Variants in CTNNA1 observed in about 807,000 individuals in gnomAD.
The protein encoded by CTNNA1 is catenin alpha 1.
In CTNNA1, 37 loss-of-function variants were observed where a neutral mutation model predicts 98.4. That is an observed-to-expected ratio of 0.38 (90% confidence interval 0.29 to 0.49). The LOEUF (loss-of-function observed/expected upper bound fraction) is 0.49, where lower values mean the gene tolerates loss of function less well. Among genes scored for constraint, CTNNA1 ranks in the 20% least tolerant of loss-of-function variants. The pLI, the probability that CTNNA1 is intolerant of heterozygous loss-of-function variation, is 0.95. For synonymous variants in CTNNA1, 404 were observed against 413.2 expected, an observed-to-expected ratio of 0.98 and a Z score of 0.27; for missense variants, 761 against 1,147.2, an observed-to-expected ratio of 0.66 and a Z score of 4.86.
intron 3 of CTNNA1, among the ~76,000 whole-genome samples, chr5:138,786,639 G>C (rs76835151): frequency 0.021 from 3,205 of 152,264 alleles, 49 homozygotes; most frequent in Non-Finnish European, 0.031. Context: ...GGATTATTCT[G>C]TCTGGGGGAA....
At chr5:138,812,048 A>G (rs1333312770) in intron 4 of CTNNA1, 135 bp from the exon 5 acceptor site, 2 of 686,484 alleles carry the variant, frequency 2.9e-6, no homozygotes, top group African/African-American at 1.8e-5. Flanking sequence ...TTAGAAGACC[A>G]TGCGCAAACT....
At chr5:138,757,751 A>AG (rs1176505143) in intron 1 of CTNNA1, among the ~76,000 whole-genome samples, 1 of 152,194 alleles carries the variant, frequency 6.6e-6, no homozygotes, top group African/African-American at 2.4e-5. Context: ...CTTGGTGCTT[A>AG]GTACCTGGCA....
In CTNNA1 at chr5:138,844,165, T is replaced by G. The variant is rs909455524; in HGVS notation, c.1062+16447T>G. On this transcript the variant is annotated intron_variant, in intron 7 of 17. Transcript: ENST00000302763. Reference sequence around the variant, plus strand: ...TAAAAATTTAAAAATTTTTAAAATTTTAAAAATAAAAGTAGAGATGGGGTT... The same window carrying G: ...TAAAAATTTAAAAATTTTTAAAATTGTAAAAATAAAAGTAGAGATGGGGTT... 2.6e-5 allele frequency among the ~76,000 whole-genome samples: 4 copies of G among 152,298 alleles called. No individual in the cohort carries two copies. The South Asian group carries it at 6.2e-4, about 24-fold the overall frequency.
At chr5:138,924,427 A>G in intron 11 of CTNNA1, 83 bp from the exon 12 acceptor site, 1 of 1,413,244 alleles carries the variant, frequency 7.1e-7, no homozygotes, top group Non-Finnish European at 9.8e-7. Context: ...CCAAGCAAAC[A>G]ATAAATGATA....
chr5:138,807,217 A>T (rs138617671), intron 3 of CTNNA1, among the ~76,000 whole-genome samples: 3,737 of 152,108 alleles, frequency 0.025, 66 homozygotes, highest in Non-Finnish European at 0.034. Context: ...CATATTGGCC[A>T]GATGGGTCTT....
At chr5:138,867,811 G>A (rs914410463) in intron 7 of CTNNA1, among the ~76,000 whole-genome samples, 1 of 150,408 alleles carries the variant, frequency 6.6e-6, no homozygotes, top group African/African-American at 2.5e-5. Flanking sequence ...GGAGTGCAGT[G>A]GCATGATCTC....
At chr5:138,930,962 C>T in intron 16 of CTNNA1, 27 bp downstream of exon 16, 2 of 1,458,602 alleles carry the variant, frequency 1.4e-6, no homozygotes, top group Non-Finnish European at 1.9e-6. Flanking sequence ...CCAGGTGGGT[C>T]TCCAAGCTCC....
Position 138,831,844 on chromosome 5 carries a change from C to T in CTNNA1, c.1062+4126C>T, listed in dbSNP as rs1395351866. On this transcript the variant is annotated intron_variant, in intron 7 of 17. Transcript: ENST00000302763. ...GCAAGAGGTGCTCAGTAAATGCTTG[C>T]TTAATGAACTCATGCTGGTTTGTAG... Among the ~76,000 whole-genome samples, 3 of 152,276 alleles carry T rather than the reference C, an allele frequency of 2.0e-5. No homozygotes were observed. In the East Asian group the frequency reaches 5.8e-4, roughly 29 times the overall value.
chr5:138,916,472 C>T (rs559347828), intron 10 of CTNNA1, among the ~76,000 whole-genome samples: 30 of 151,038 alleles, frequency 2.0e-4, no homozygotes, highest in African/African-American at 7.1e-4. Flanking sequence ...AAGCAGTCCT[C>T]CTGCCTCAGC....
chr5:138,918,726 G>A (rs2150240747), intron 11 of CTNNA1, among the ~76,000 whole-genome samples: 1 of 152,222 alleles, frequency 6.6e-6, no homozygotes, highest in South Asian at 2.1e-4. Context: ...TCCATTTAAC[G>A]GGACCTCTGT....
rs575785041 is a variant in CTNNA1 at position 138,774,898 on chromosome 5, C to T, written c.-2-7025C>T. Among the ~76,000 whole-genome samples, 9 of 152,142 alleles carry T rather than the reference C, an allele frequency of 5.9e-5. No individual in the cohort carries two copies. In the South Asian group the frequency reaches 6.2e-4, roughly 11 times the overall value. On this transcript the variant is annotated intron_variant, in intron 1 of 17. Coordinates refer to ENST00000302763, the MANE Select transcript of CTNNA1 (RefSeq NM_001903.5). ...TGCTGGGATTACAGGCATGAGCCACCGCGCCCGTCCTGTGCCACCTTTTTT... is the reference window on the plus strand; with the variant it reads ...TGCTGGGATTACAGGCATGAGCCACTGCGCCCGTCCTGTGCCACCTTTTTT...
rs1763807020 is a variant in CTNNA1, at chr5:138,925,423, T to A, written c.1899+16T>A. The A allele has an allele frequency of 1.2e-6, 2 of 1,611,926 alleles. No individual in the cohort carries two copies. Among genetic ancestry groups the A allele is most frequent in the Non-Finnish European group, 1.7e-6 (2 of 1,178,912 alleles). On this transcript the variant is annotated intron_variant, in intron 13 of 17. Transcript: ENST00000302763. Reference sequence around the variant, plus strand: ...GATGATAAGGGTGAGTAACTGCATTTCAGACGTCTTAACAGCTTCTTTCTT... The same window carrying A: ...GATGATAAGGGTGAGTAACTGCATTACAGACGTCTTAACAGCTTCTTTCTT...
intron 9 of CTNNA1, among the ~76,000 whole-genome samples, chr5:138,899,545 G>A (rs1260977771): frequency 6.6e-6 from 1 of 152,132 alleles, no homozygotes; most frequent in East Asian, 1.9e-4. Flanking sequence ...CACTCTTAGG[G>A]TTGGTCACTT....
intron 9 of CTNNA1, among the ~76,000 whole-genome samples, chr5:138,902,223 C>T (rs371271097): frequency 1.4e-4 from 22 of 152,162 alleles, no homozygotes; most frequent in Admixed American, 3.9e-4. Context: ...AGAGTACTTA[C>T]GTAATCTTTT....
chr5:138,830,103 C>T (rs1193507430), intron 7 of CTNNA1, among the ~76,000 whole-genome samples: 1 of 151,520 alleles, frequency 6.6e-6, no homozygotes, highest in Non-Finnish European at 1.5e-5. Flanking sequence ...GGAGGCGGAG[C>T]TTTCAGTGAG....
At chr5:138,889,826 A>G (rs1457156228) in intron 9 of CTNNA1, among the ~76,000 whole-genome samples, 2 of 152,196 alleles carry the variant, frequency 1.3e-5, no homozygotes, top group African/African-American at 4.8e-5. Context: ...ATTTACGGTA[A>G]TAGAGACACT....
chr5:138,793,477 A>G (rs1251378674), intron 3 of CTNNA1, among the ~76,000 whole-genome samples: 1 of 152,234 alleles, frequency 6.6e-6, no homozygotes, highest in Non-Finnish European at 1.5e-5. Flanking sequence ...TTTATTAAAA[A>G]GTCTGTCCTG....
Position 138,934,316 on chromosome 5 carries a change from T to G in CTNNA1, c.*227T>G, listed in dbSNP as rs1361156142. Reference sequence around the variant, plus strand: ...TAGCTGTATTTTTTGTATGCTTAAATAAAAATAAAAATTCATAACCAAAGA... The same window carrying G: ...TAGCTGTATTTTTTGTATGCTTAAAGAAAAATAAAAATTCATAACCAAAGA... On this transcript the variant is annotated 3_prime_UTR_variant, in exon 18 of 18. Coordinates refer to ENST00000302763, the MANE Select transcript of CTNNA1 (RefSeq NM_001903.5). 1.8e-5 allele frequency: 9 copies of G among 512,018 alleles called. No homozygotes were observed. Among genetic ancestry groups the G allele is most frequent in the Non-Finnish European group, 3.1e-5 (9 of 292,212 alleles). 31.7% of individuals were successfully genotyped at this position (512,018 alleles called of 1,614,324 possible).
At chr5:138,836,923 A>T (rs1761834004) in intron 7 of CTNNA1, among the ~76,000 whole-genome samples, 1 of 152,294 alleles carries the variant, frequency 6.6e-6, no homozygotes, top group African/African-American at 2.4e-5. Context: ...AAAGTTTTTT[A>T]TGTTGTTAAT....
Sources: allele counts gnomAD v4.1 joint callset (sites outside exome capture counted in the v4.1 genomes callset), GRCh38; gene constraint gnomAD v4.1.1; transcripts MANE v1.5; gene names NCBI Gene and HGNC (gene_info 2026-07-23, HGNC 2026-07-21).